The following ANKRD17 variants were observed in gnomAD, a reference collection of about 807,000 sequenced individuals.
ANKRD17 encodes the protein ankyrin repeat domain-containing protein 17.
In ANKRD17, 19 loss-of-function variants were observed where a neutral mutation model predicts 229.7. The ratio of observed to expected loss-of-function variants is 0.08; its 90% CI spans 0.06 to 0.12. The LOEUF (loss-of-function observed/expected upper bound fraction) is 0.12. ANKRD17 is among the 10% of genes least tolerant of loss of function. The pLI is 1.00. For missense variants in ANKRD17, 2,176 were observed against 3,176.8 expected (o/e 0.68, Z 7.57); for synonymous variants, 1,112 against 1,146.1 (o/e 0.97, Z 0.60).
intron 18 of ANKRD17, 82 bp downstream of exon 18, chr4:73,124,831 C>T (rs1206706763): frequency 6.7e-5 from 100 of 1,501,418 alleles, no homozygotes; most frequent in Non-Finnish European, 8.1e-5. Context: ...AAGCATTGTT[C>T]TGATAGAAAA....
intron 26 of ANKRD17, among the ~76,000 whole-genome samples, 175 bp from the exon 27 acceptor site, chr4:73,097,447 T>TC (rs934855814): frequency 1.3e-5 from 2 of 151,856 alleles, no homozygotes; most frequent in African/African-American, 4.8e-5. Flanking sequence ...TTTTTTTTTT[T>TC]CTTTTTGAGA....
intron 1 of ANKRD17, among the ~76,000 whole-genome samples, chr4:73,244,820 T>G (rs1455216692): frequency 6.6e-6 from 1 of 152,190 alleles, no homozygotes; most frequent in Non-Finnish European, 1.5e-5. Context: ...GGAGATCTAA[T>G]GATCTGTGCT....
chr4:73,171,865 C>A lies in ANKRD17; in HGVS notation c.547+5515G>T, dbSNP rs1734085173. 1.3e-5 allele frequency among the ~76,000 whole-genome samples: 2 copies of A among 151,958 alleles called. 1 individual carries two copies. Among genetic ancestry groups the A allele is most frequent in the South Asian group, 4.1e-4 (2 of 4,822 alleles). On this transcript the variant is annotated intron_variant, in intron 2 of 33. Coordinates refer to ENST00000358602, the MANE Select transcript of ANKRD17 (RefSeq NM_032217.5). Reference sequence around the variant, plus strand: ...TGCAGACAGGCTATTTGAAAATACACAGTTGAAGGAGACAAAGAAAAGAAT... The same window carrying A: ...TGCAGACAGGCTATTTGAAAATACAAAGTTGAAGGAGACAAAGAAAAGAAT...
intron 1 of ANKRD17, among the ~76,000 whole-genome samples, chr4:73,181,972 C>T (rs1377345966): frequency 2.4e-5 from 3 of 127,366 alleles, no homozygotes; most frequent in Non-Finnish European, 4.7e-5. Flanking sequence ...CACTTAAACC[C>T]GGGAGGTGAA....
intron 30 of ANKRD17, among the ~76,000 whole-genome samples, chr4:73,083,611 T>C (rs1385723858): frequency 6.6e-6 from 1 of 152,200 alleles, no homozygotes; most frequent in Non-Finnish European, 1.5e-5. Flanking sequence ...ATACTCTGTA[T>C]TTACAATATA....
chr4:73,241,833 A>G (rs1744072864), intron 1 of ANKRD17, among the ~76,000 whole-genome samples: 1 of 152,184 alleles, frequency 6.6e-6, no homozygotes, highest in Non-Finnish European at 1.5e-5. Flanking sequence ...TCATCATACC[A>G]AGTATTCAAA....
chr4:73,124,031 AG>A (rs1727107286), intron 18 of ANKRD17, among the ~76,000 whole-genome samples: 1 of 152,134 alleles, frequency 6.6e-6, no homozygotes, highest in South Asian at 2.1e-4. Flanking sequence ...ATCTGAAGAT[AG>A]AAAAGGTTAA....
chr4:73,202,321 A>T (rs1187529153), intron 1 of ANKRD17, among the ~76,000 whole-genome samples: 3 of 63,278 alleles, frequency 4.7e-5, no homozygotes, highest in South Asian at 6.1e-4. Context: ...ACAGGATTAA[A>T]AAAAAAAAAA....
chr4:73,181,850 C>A (rs1253940528), intron 1 of ANKRD17, among the ~76,000 whole-genome samples: 4 of 151,488 alleles, frequency 2.6e-5, no homozygotes, highest in Non-Finnish European at 5.9e-5. Flanking sequence ...GAGTTCGAGA[C>A]CAGCCTGGCC....
intron 25 of ANKRD17, among the ~76,000 whole-genome samples, chr4:73,100,488 T>C (rs1159321677): frequency 6.6e-6 from 1 of 151,962 alleles, no homozygotes; most frequent in African/African-American, 2.4e-5. Context: ...TATATATCCT[T>C]TTCTCGGAGA....
intron 16 of ANKRD17, among the ~76,000 whole-genome samples, chr4:73,134,866 T>G (rs1728691462): frequency 6.6e-6 from 1 of 152,142 alleles, no homozygotes; most frequent in Non-Finnish European, 1.5e-5. Flanking sequence ...TTCTTTTATA[T>G]CCTCTTGTGA....
intron 1 of ANKRD17, among the ~76,000 whole-genome samples, chr4:73,203,126 T>C (rs1738898528): frequency 6.6e-6 from 1 of 152,234 alleles, no homozygotes; most frequent in African/African-American, 2.4e-5. Flanking sequence ...TATAGGCTTA[T>C]TTCCTCTGGT....
chr4:73,171,196 A>AGAGAGAG, intron 2 of ANKRD17, among the ~76,000 whole-genome samples: 1 of 150,780 alleles, frequency 6.6e-6, no homozygotes, highest in Non-Finnish European at 1.5e-5. Context: ...AGAGAGAGAG[A>AGAGAGAG]GAGAGAGAGA....
chr4:73,218,551 G>A (rs1457967461), intron 1 of ANKRD17, among the ~76,000 whole-genome samples: 1 of 149,752 alleles, frequency 6.7e-6, no homozygotes, highest in African/African-American at 2.5e-5. Flanking sequence ...GCTGAGACAA[G>A]AGAATCGCTT....
At chr4:73,096,496 C>T (rs1165140378) in intron 27 of ANKRD17, among the ~76,000 whole-genome samples, 2 of 152,122 alleles carry the variant, frequency 1.3e-5, no homozygotes, top group African/African-American at 4.8e-5. Context: ...ACAGTAGTTA[C>T]TAAGTTTGGT....
At chr4:73,094,032 A>G (rs769533498) in intron 28 of ANKRD17, 47 bp downstream of exon 28, 2 of 1,576,678 alleles carry the variant, frequency 1.3e-6, no homozygotes. Context: ...TCATTAAGCT[A>G]TAGTGCAATA....
chr4:73,135,057 T>C, intron 16 of ANKRD17, 60 bp downstream of exon 16: 2 of 1,501,018 alleles, frequency 1.3e-6, no homozygotes, highest in Non-Finnish European at 1.8e-6. Context: ...TGAAAGTTAA[T>C]GTTTTTAATT....
At chr4:73,082,275 G>T (rs1721650912) in intron 30 of ANKRD17, among the ~76,000 whole-genome samples, 1 of 151,944 alleles carries the variant, frequency 6.6e-6, no homozygotes, top group African/African-American at 2.4e-5. Flanking sequence ...TTCAAGTCCA[G>T]TCTGGGCAAC....
Position 73,154,040 on chromosome 4 carries a change from A to G in ANKRD17, c.1074T>C (p.Ala358=). The G allele has an allele frequency of 6.2e-7, 1 of 1,612,764 alleles. No homozygotes were observed. The highest frequency in any genetic ancestry group is 8.5e-7 in the Non-Finnish European group (1 of 1,179,428). ...DVVKVLLESG[A]SIEDHNENGH... is the part of the protein sequence containing the mutation. ...CATTTTCATTATGGTCCTCAATACTAGCACCGGATTCCAAGAGCACCTTTA... is the reference window on the plus strand; with the variant it reads ...CATTTTCATTATGGTCCTCAATACTGGCACCGGATTCCAAGAGCACCTTTA... Residue 358 remains alanine (A), a synonymous_variant, in exon 6 of 34, where the codon GCT becomes GCC. Transcript: ENST00000358602.
Sources: gnomAD v4.1 joint callset for allele counts (sites outside exome capture counted in the v4.1 genomes callset) on GRCh38, gnomAD v4.1.1 for gene constraint, MANE v1.5 for transcripts, NCBI Gene and HGNC (gene_info 2026-07-23, HGNC 2026-07-21) for gene names.